Variants in SHPRH observed in about 807,000 individuals in gnomAD.
The protein encoded by SHPRH is E3 ubiquitin-protein ligase SHPRH.
A neutral mutation model predicts 202.5 loss-of-function variants in SHPRH; 106 were observed. The observed-to-expected ratio is 0.52, with a 90% CI of 0.45 to 0.62. The LOEUF is 0.62. Among genes scored for constraint, SHPRH ranks in the 20% least tolerant of loss-of-function variants. SHPRH has a pLI of 0.00. For missense variants in SHPRH, 1,710 were observed against 2,020.0 expected, an observed-to-expected ratio of 0.85 and a Z score of 2.94; for synonymous variants, 729 against 686.0, an observed-to-expected ratio of 1.06 and a Z score of -0.98.
At chr6:145,908,677 T>C (rs915456476) in intron 25 of SHPRH, 4 of 152,192 alleles carry the variant, frequency 2.6e-5, no homozygotes, top group Non-Finnish European at 5.9e-5. Flanking sequence ...GATGGGTTGA[T>C]TGCAAAAATT....
chr6:145,941,797 A>T lies in SHPRH; in HGVS notation c.2316T>A (p.Tyr772Ter). Residue 772 changes from tyrosine (Y) to a stop codon, truncating the protein, a stop_gained, in exon 10 of 30, where the codon TAT becomes TAA. Transcript: ENST00000275233. LOFTEE classifies it high-confidence loss of function. ...AATTTAATTCTGAACGCAGTACATC[A>T]TAGGTAATGATAACTATATCCTGTT... is the stretch of plus-strand genomic sequence containing the variant. ...LAEQDIVIIT[Y>*]DVLRSELNYV... 6.2e-7 allele frequency: 1 copy of T among 1,614,026 alleles called. No homozygotes were observed. The highest frequency in any genetic ancestry group is 8.5e-7 in the Non-Finnish European group (1 of 1,179,988).
intron 23 of SHPRH, 91 bp from the exon 24 acceptor site, chr6:145,913,640 C>A (rs1783692244): frequency 3.2e-6 from 3 of 943,628 alleles, no homozygotes; most frequent in Admixed American, 2.5e-5. Flanking sequence ...GAAGTGAATA[C>A]TGGCAATTAC....
At chr6:145,883,099 T>C (rs540099245), downstream of SHPRH, 2 of 152,196 alleles carry the variant, frequency 1.3e-5, no homozygotes, top group African/African-American at 4.8e-5. Flanking sequence ...AAAAGGCTGA[T>C]TTTTTGATAA....
intron 11 of SHPRH, 100 bp from the exon 12 acceptor site, chr6:145,935,541 C>A: frequency 8.7e-7 from 1 of 1,153,460 alleles, no homozygotes; most frequent in East Asian, 2.5e-5. Flanking sequence ...TAGAACTTTC[C>A]ATGAATTAAA....
intron 13 of SHPRH, 106 bp downstream of exon 13, chr6:145,934,801 A>G (rs1003435163): frequency 9.1e-7 from 1 of 1,093,170 alleles, no homozygotes; most frequent in African/African-American, 1.6e-5. Flanking sequence ...TACACCATTA[A>G]AGATAACTGA....
At chr6:145,897,234 C>G (rs1342083259) in intron 25 of SHPRH, among the ~76,000 whole-genome samples, 1 of 151,774 alleles carries the variant, frequency 6.6e-6, no homozygotes, top group Non-Finnish European at 1.5e-5. Flanking sequence ...CACAGAAATA[C>G]AGAGAATCAT....
Position 145,923,726 on chromosome 6 carries a change from A to G in SHPRH, c.3462T>C (p.Ile1154=), listed in dbSNP as rs1266643102. ...NVIHRAIEFT[I]DEELVQRVRN... Reference sequence around the variant, plus strand: ...GCACTCGCTGAACTAGCTCCTCATCAATAGTAAATTCTATTGCTCTGTGGA... The same window carrying G: ...GCACTCGCTGAACTAGCTCCTCATCGATAGTAAATTCTATTGCTCTGTGGA... The change falls in exon 18 of 30, where the codon ATT becomes ATC. Residue 1154 remains isoleucine, a synonymous_variant. Transcript: ENST00000275233. 1.9e-6 allele frequency: 3 copies of G among 1,611,948 alleles called. No homozygotes were observed.
At chr6:145,904,259 A>G (rs1227234678) in intron 25 of SHPRH, 2 of 152,088 alleles carry the variant, frequency 1.3e-5, no homozygotes, top group Non-Finnish European at 2.9e-5. Flanking sequence ...AATAAATTTT[A>G]TATTTCAGAT....
exon 3 of SHPRH, chr6:145,864,327 A>G (rs907084516): frequency 3.0e-5 from 12 of 403,200 alleles, no homozygotes; most frequent in African/African-American, 2.3e-4. Flanking sequence ...ACATCTCTAA[A>G]TTGAAAAAGA....
In SHPRH at chr6:145,893,564, A is replaced by C. The variant is rs111536870; in HGVS notation, c.4696-171T>G. On this transcript the variant is annotated intron_variant, in intron 27 of 29. Coordinates refer to ENST00000275233, the MANE Select transcript of SHPRH (RefSeq NM_001042683.3). ...TTAGAAAATGTAAACTTGTCGCTTG[A>C]TTTTAATTATGAAGAAAAGTATCAT... Among the ~76,000 whole-genome samples the C allele has an allele frequency of 7.9e-3, 1,209 of 152,296 alleles. 10 individuals are homozygous for C. The highest frequency in any genetic ancestry group is 0.028 in the African/African-American group (1,144 of 41,562).
At chr6:145,890,236 T>C (rs758945092) in intron 28 of SHPRH, among the ~76,000 whole-genome samples, 3 of 152,192 alleles carry the variant, frequency 2.0e-5, no homozygotes, top group Admixed American at 6.5e-5. Flanking sequence ...AATCTGCCAC[T>C]GCTTCTACTA....
At chr6:145,876,573 T>G (rs1349624601) in intron 2 of SHPRH, 1 of 152,242 alleles carries the variant, frequency 6.6e-6, no homozygotes, top group East Asian at 1.9e-4. Context: ...CATTTATCGT[T>G]TGATAGGCAT....
chr6:145,888,675 T>C (rs1367068553), intron 28 of SHPRH, among the ~76,000 whole-genome samples: 1 of 152,160 alleles, frequency 6.6e-6, no homozygotes, highest in Non-Finnish European at 1.5e-5. Context: ...TGATTTGATG[T>C]ATACCTGACT....
chr6:145,874,101 G>A (rs1780188513), intron 2 of SHPRH, among the ~76,000 whole-genome samples: 1 of 152,104 alleles, frequency 6.6e-6, no homozygotes, highest in South Asian at 2.1e-4. Context: ...GGGAGGCTGA[G>A]GCAGGAGAAT....
intron 25 of SHPRH, chr6:145,904,476 C>T (rs1040896201): frequency 3.3e-5 from 5 of 152,038 alleles, no homozygotes; most frequent in African/African-American, 1.2e-4. Context: ...GCAATATGAT[C>T]ATTTATGTGG....
chr6:145,934,844 G>T, intron 13 of SHPRH, 63 bp downstream of exon 13: 1 of 1,462,130 alleles, frequency 6.8e-7, no homozygotes, highest in Non-Finnish European at 9.2e-7. Context: ...ATGAAACCGT[G>T]GGCCTGAAAT....
chr6:145,859,410 G>A (rs1302393405), downstream of SHPRH, among the ~76,000 whole-genome samples: 1 of 151,778 alleles, frequency 6.6e-6, no homozygotes, highest in Non-Finnish European at 1.5e-5. Flanking sequence ...AGATTTTATA[G>A]TTCAATTGCA....
chr6:145,960,160 C>T (rs1788938867), intron 1 of SHPRH, among the ~76,000 whole-genome samples: 1 of 152,148 alleles, frequency 6.6e-6, no homozygotes, highest in Non-Finnish European at 1.5e-5. Context: ...TAATGTAGTT[C>T]CTATCCCCTC....
chr6:145,884,857 TAAAA>T lies in SHPRH; in HGVS notation c.*1830_*1833del, dbSNP rs1780857780. ...TTAATGGATATCTTACAGAAATAAA[TAAAA>T]ACAGTTTTTGTCTAATACAGATAGG... On this transcript the variant is annotated 3_prime_UTR_variant, in exon 30 of 30. Coordinates refer to ENST00000275233, the MANE Select transcript of SHPRH (RefSeq NM_001042683.3). 6.6e-6 allele frequency: 1 copy of T among 152,234 alleles called. No homozygotes were observed. Among genetic ancestry groups the T allele is most frequent in the Admixed American group, 6.5e-5 (1 of 15,278 alleles). The allele number at this position is 152,234 out of a possible 1,614,324, so 9.4% of individuals were successfully genotyped here.
Sources: allele counts gnomAD v4.1 joint callset (sites outside exome capture counted in the v4.1 genomes callset), GRCh38; gene constraint gnomAD v4.1.1; transcripts MANE v1.5; gene names NCBI Gene and HGNC (gene_info 2026-07-23, HGNC 2026-07-21).